Variants in PTTG1IP2 observed in about 807,000 individuals in gnomAD.
The protein encoded by PTTG1IP2 is PTTG1IP family member 2.
intron 2 of PTTG1IP2, among the ~76,000 whole-genome samples, chr7:90,479,817 C>T (rs990006636): frequency 2.0e-5 from 3 of 152,154 alleles, no homozygotes; most frequent in African/African-American, 7.2e-5. Context: ...ACATAAAAAC[C>T]ACTGTAGTCT....
At chr7:90,487,856 T>C (rs1797893933) in intron 3 of PTTG1IP2, among the ~76,000 whole-genome samples, 1 of 152,184 alleles carries the variant, frequency 6.6e-6, no homozygotes, top group Non-Finnish European at 1.5e-5. Flanking sequence ...ATTTTAGGAA[T>C]TCCAGGATTT....
chr7:90,481,684 TA>T (rs1486562949), intron 2 of PTTG1IP2, among the ~76,000 whole-genome samples: 1 of 152,168 alleles, frequency 6.6e-6, no homozygotes, highest in African/African-American at 2.4e-5. Context: ...ACTTCCCCTA[TA>T]TTTCTCTTTT....
At chr7:90,505,239 CAAT>C (rs1400999194) in intron 6 of PTTG1IP2, among the ~76,000 whole-genome samples, 1 of 152,152 alleles carries the variant, frequency 6.6e-6, no homozygotes, top group East Asian at 1.9e-4. Context: ...CAGAAAAAGG[CAAT>C]AATATTTTCT....
intron 2 of PTTG1IP2, among the ~76,000 whole-genome samples, chr7:90,481,123 G>A (rs974933459): frequency 6.6e-6 from 1 of 152,096 alleles, no homozygotes; most frequent in African/African-American, 2.4e-5. Flanking sequence ...AATGATCCTT[G>A]CCTAGATCTA....
intron 6 of PTTG1IP2, among the ~76,000 whole-genome samples, chr7:90,504,299 G>C (rs1417282506): frequency 6.6e-6 from 1 of 151,060 alleles, no homozygotes; most frequent in African/African-American, 2.4e-5. Flanking sequence ...CCGGGCGACA[G>C]AGTGAGACTC....
intron 6 of PTTG1IP2, among the ~76,000 whole-genome samples, chr7:90,496,598 T>C (rs1376760622): frequency 3.3e-5 from 5 of 152,228 alleles, no homozygotes; most frequent in African/African-American, 1.2e-4. Flanking sequence ...GTTTTGTTAA[T>C]TTTTTATTTT....
Position 90,473,530 on chromosome 7 carries a change from A to G in PTTG1IP2, c.145+3599A>G, listed in dbSNP as rs11971442. Among the ~76,000 whole-genome samples, 292 of 152,264 alleles carry G rather than the reference A, an allele frequency of 1.9e-3. 2 individuals carry two copies. The highest frequency in any genetic ancestry group is 6.8e-3 in the African/African-American group (282 of 41,550). On this transcript the variant is annotated intron_variant, in intron 1 of 6. Transcript: ENST00000509356. ...ATTTAGCTAAATGTTTATTCAAAGG[A>G]GGATGAATTAATTGACTGAACTTAG...
At chr7:90,512,796 A>G (rs904759057) in intron 6 of PTTG1IP2, among the ~76,000 whole-genome samples, 3 of 152,254 alleles carry the variant, frequency 2.0e-5, no homozygotes, top group Non-Finnish European at 4.4e-5. Flanking sequence ...GGACGATATT[A>G]TTCTACAGAA....
At chr7:90,506,275 A>C (rs1584701617) in intron 6 of PTTG1IP2, among the ~76,000 whole-genome samples, 1 of 152,082 alleles carries the variant, frequency 6.6e-6, no homozygotes, top group East Asian at 1.9e-4. Flanking sequence ...ATTTTTTCCA[A>C]CTAAATCGGG....
intron 1 of PTTG1IP2, among the ~76,000 whole-genome samples, chr7:90,472,313 CA>C (rs1797700897): frequency 4.8e-5 from 5 of 103,734 alleles, no homozygotes; most frequent in East Asian, 6.1e-4. Flanking sequence ...CACACACACA[CA>C]CACACACCCC....
chr7:90,474,180 CA>C (rs1355273596), intron 1 of PTTG1IP2, among the ~76,000 whole-genome samples: 2 of 152,160 alleles, frequency 1.3e-5, no homozygotes, highest in African/African-American at 4.8e-5. Context: ...CTGAATACTG[CA>C]GGCAATTGTA....
intron 1 of PTTG1IP2, among the ~76,000 whole-genome samples, chr7:90,475,011 C>A (rs1415950608): frequency 6.6e-6 from 1 of 152,166 alleles, no homozygotes; most frequent in Non-Finnish European, 1.5e-5. Flanking sequence ...TGGATCAGTG[C>A]CAGACGGTTT....
At chr7:90,508,173 G>A (rs930512148) in intron 6 of PTTG1IP2, among the ~76,000 whole-genome samples, 2 of 150,824 alleles carry the variant, frequency 1.3e-5, no homozygotes, top group African/African-American at 4.9e-5. Flanking sequence ...GGGCTGAGGT[G>A]CAACGATTGC....
At chr7:90,493,673 C>T (rs1797963251) in intron 5 of PTTG1IP2, among the ~76,000 whole-genome samples, 2 of 151,986 alleles carry the variant, frequency 1.3e-5, no homozygotes, top group Admixed American at 6.6e-5. Context: ...ATGAGAGAGC[C>T]CAATGGGAAT....
At chr7:90,509,556 T>C (rs1385944934) in intron 6 of PTTG1IP2, among the ~76,000 whole-genome samples, 2 of 152,142 alleles carry the variant, frequency 1.3e-5, no homozygotes, top group Non-Finnish European at 2.9e-5. Flanking sequence ...TAGCAAGACA[T>C]GCATGTAGTA....
rs1256853950 is a variant in PTTG1IP2, at chr7:90,511,100, G to T, written c.*51-2178G>T. Among the ~76,000 whole-genome samples the T allele has an allele frequency of 3.3e-5, 5 of 150,832 alleles. No individual in the cohort carries two copies. The East Asian group carries it at 5.9e-4, about 18-fold the overall frequency. On this transcript the variant is annotated intron_variant, in intron 6 of 6. Coordinates refer to ENST00000509356, the MANE Select transcript of PTTG1IP2 (RefSeq NM_001365443.2). ...TATTTTTTTTTTTTGTAATCACTGT[G>T]CCATTGGCACCACCTGGTATAGTGT...
chr7:90,507,423 G>A (rs923743494), intron 6 of PTTG1IP2, among the ~76,000 whole-genome samples: 12 of 152,124 alleles, frequency 7.9e-5, no homozygotes, highest in Admixed American at 2.0e-4. Flanking sequence ...AAGGTAAATT[G>A]TTTAACATCT....
intron 4 of PTTG1IP2, among the ~76,000 whole-genome samples, chr7:90,490,288 C>T (rs1346688862): frequency 6.6e-6 from 1 of 151,932 alleles, no homozygotes; most frequent in Non-Finnish European, 1.5e-5. Context: ...ATATTATTTT[C>T]TTTCTTCAGA....
intron 2 of PTTG1IP2, among the ~76,000 whole-genome samples, chr7:90,486,179 G>A (rs12666228): frequency 3.3e-5 from 5 of 151,598 alleles, no homozygotes; most frequent in African/African-American, 1.2e-4. Flanking sequence ...AGAAGTGATT[G>A]GGTGGGGTCT....
Sources: allele counts gnomAD v4.1 joint callset (sites outside exome capture counted in the v4.1 genomes callset), GRCh38; gene constraint gnomAD v4.1.1; transcripts MANE v1.5; gene names NCBI Gene and HGNC (gene_info 2026-07-23, HGNC 2026-07-21).